DDX4: variants seen among roughly 807,000 people sequenced by gnomAD.
DDX4 encodes the protein DEAD-box helicase 4.
Under a neutral mutation model 100.0 loss-of-function variants are expected in DDX4, and 25 were observed. The ratio of observed to expected loss-of-function variants is 0.25; its 90% CI spans 0.18 to 0.35. The LOEUF (loss-of-function observed/expected upper bound fraction) is 0.35. Ranked by LOEUF, DDX4 falls within the 10% of genes least tolerant of loss-of-function variation. The pLI is 1.00. For missense variants in DDX4, 635 were observed against 882.4 expected (o/e 0.72, Z 3.55); for synonymous variants, 259 against 275.7 (o/e 0.94, Z 0.60).
At chr5:55,783,028 G>A (rs1027167247) in intron 10 of DDX4, among the ~76,000 whole-genome samples, 3 of 151,932 alleles carry the variant, frequency 2.0e-5, no homozygotes, top group Non-Finnish European at 2.9e-5. Flanking sequence ...CTGACCTCAG[G>A]TGATCTGCCC....
intron 2 of DDX4, chr5:55,742,299 C>G (rs1759022005): frequency 2.2e-6 from 1 of 451,582 alleles, no homozygotes; most frequent in Non-Finnish European, 4.5e-6. Flanking sequence ...AGCTGTGAGG[C>G]CTCTTGTTAA....
intron 17 of DDX4, among the ~76,000 whole-genome samples, chr5:55,796,306 A>G (rs1488849883): frequency 6.6e-6 from 1 of 152,192 alleles, no homozygotes; most frequent in Admixed American, 6.5e-5. Flanking sequence ...GCATCCCTCA[A>G]TATAATCAAG....
intron 18 of DDX4, among the ~76,000 whole-genome samples, chr5:55,811,622 T>G (rs779726611): frequency 1.3e-5 from 2 of 152,186 alleles, no homozygotes; most frequent in Non-Finnish European, 2.9e-5. Context: ...TTTATTTCTG[T>G]CACTGTTATT....
chr5:55,782,041 T>A lies in DDX4; in HGVS notation c.625+60T>A, dbSNP rs1580565762. On this transcript the variant is annotated intron_variant, in intron 10 of 21. Transcript: ENST00000505374. The stretch of plus-strand genomic sequence containing the variant: ...AAATCATTGTATTCCAAATTTAATT[T>A]TTTTCTGTACTTCACTGGTTGGAAA... 8 of 1,589,736 alleles carry A rather than the reference T, an allele frequency of 5.0e-6. No individual in the cohort carries two copies. The East Asian group carries it at 1.8e-4, about 36-fold the overall frequency.
chr5:55,806,579 T>G (rs1390719220), intron 18 of DDX4, among the ~76,000 whole-genome samples: 2 of 152,248 alleles, frequency 1.3e-5, no homozygotes, highest in Non-Finnish European at 1.5e-5. Context: ...CATTTTGTTA[T>G]GTACCCAGTA....
chr5:55,780,864 A>G (rs923000213), intron 8 of DDX4, among the ~76,000 whole-genome samples: 2 of 152,224 alleles, frequency 1.3e-5, no homozygotes, highest in Non-Finnish European at 2.9e-5. Context: ...CCTTTGCACA[A>G]TACTTAGTTT....
chr5:55,796,802 C>A (rs1418682900), intron 17 of DDX4, among the ~76,000 whole-genome samples: 1 of 73,102 alleles, frequency 1.4e-5, no homozygotes, highest in Non-Finnish European at 3.5e-5. Flanking sequence ...GAAGACTTTT[C>A]TTTTCTTTTT....
intron 18 of DDX4, among the ~76,000 whole-genome samples, chr5:55,804,803 C>T (rs327261): frequency 0.11 from 16,967 of 151,928 alleles, 1,068 homozygotes; most frequent in East Asian, 0.17. Flanking sequence ...CTTGGCGATG[C>T]GGGCTCTTTT....
intron 16 of DDX4, 23 bp downstream of exon 16, chr5:55,790,728 A>C: frequency 6.2e-7 from 1 of 1,607,682 alleles, no homozygotes; most frequent in Non-Finnish European, 8.5e-7. Flanking sequence ...GGAATAATGA[A>C]GTTGTGAGAT....
intron 18 of DDX4, among the ~76,000 whole-genome samples, chr5:55,807,210 G>A (rs1280279329): frequency 1.3e-5 from 2 of 152,146 alleles, no homozygotes; most frequent in Non-Finnish European, 2.9e-5. Context: ...TTGAGCCTAT[G>A]TGTGGCTCTG....
At chr5:55,759,147 C>T (rs147030283) in intron 3 of DDX4, among the ~76,000 whole-genome samples, 10 of 151,944 alleles carry the variant, frequency 6.6e-5, no homozygotes, top group Non-Finnish European at 1.2e-4. Context: ...CCACTTTGGT[C>T]TCCCAAAGCT....
At chr5:55,759,181 T>C (rs1760137410) in intron 3 of DDX4, among the ~76,000 whole-genome samples, 1 of 152,062 alleles carries the variant, frequency 6.6e-6, no homozygotes, top group Non-Finnish European at 1.5e-5. Context: ...TTAATTTTCG[T>C]TCTTTATTTC....
intron 14 of DDX4, among the ~76,000 whole-genome samples, chr5:55,787,387 A>G (rs1017246696): frequency 1.4e-4 from 22 of 152,196 alleles, no homozygotes; most frequent in Non-Finnish European, 8.8e-5. Flanking sequence ...TGTAACTTCA[A>G]TAAGGGTAAT....
chr5:55,751,985 A>G (rs1759582083), intron 3 of DDX4, among the ~76,000 whole-genome samples: 1 of 152,110 alleles, frequency 6.6e-6, no homozygotes, highest in Non-Finnish European at 1.5e-5. Context: ...TCAAATCAAG[A>G]CATAGTGTAT....
chr5:55,778,950 A>G (rs915138768), intron 7 of DDX4, among the ~76,000 whole-genome samples: 3 of 152,160 alleles, frequency 2.0e-5, no homozygotes, highest in Admixed American at 1.3e-4. Flanking sequence ...AAACTCTAAC[A>G]TAACACTAAT....
chr5:55,798,819 C>G (rs1743125079), intron 18 of DDX4, among the ~76,000 whole-genome samples: 1 of 151,994 alleles, frequency 6.6e-6, no homozygotes, highest in South Asian at 2.1e-4. Flanking sequence ...ACTATTCCAC[C>G]AGAAATGTAT....
At chr5:55,810,833 G>C (rs1744084907) in intron 18 of DDX4, among the ~76,000 whole-genome samples, 1 of 152,146 alleles carries the variant, frequency 6.6e-6, no homozygotes, top group Non-Finnish European at 1.5e-5. Context: ...TCAGAGGAGA[G>C]TTGAATATTT....
chr5:55,749,539 C>T (rs926645816), intron 3 of DDX4, among the ~76,000 whole-genome samples: 2 of 152,128 alleles, frequency 1.3e-5, no homozygotes, highest in African/African-American at 4.8e-5. Context: ...TGGGCTCTAC[C>T]GTCAAGTGAT....
At chr5:55,767,069 C>T in intron 6 of DDX4, 2 of 1,397,362 alleles carry the variant, frequency 1.4e-6, no homozygotes, top group East Asian at 2.7e-5. Flanking sequence ...CTAGGATATC[C>T]CCAAATTATT....
Sources: gnomAD v4.1 joint callset for allele counts (sites outside exome capture counted in the v4.1 genomes callset) on GRCh38, gnomAD v4.1.1 for gene constraint, MANE v1.5 for transcripts, NCBI Gene and HGNC (gene_info 2026-07-23, HGNC 2026-07-21) for gene names.